The following PLCH2 variants were observed in gnomAD, a reference collection of about 807,000 sequenced individuals.
PLCH2 encodes phospholipase C eta 2, also known as 1-phosphatidylinositol 4,5-bisphosphate phosphodiesterase eta-2.
Under a neutral mutation model 134.7 loss-of-function variants are expected in PLCH2, and 98 were observed. That is an observed-to-expected ratio of 0.73 (90% CI 0.62 to 0.86). PLCH2 has a LOEUF of 0.86. Among genes scored for constraint, PLCH2 ranks in the 40% least tolerant of loss-of-function variants. PLCH2 has a pLI of 0.00. For synonymous variants in PLCH2, 974 were observed against 827.5 expected (o/e 1.18, Z -3.04); for missense variants, 1,994 against 1,986.6 (o/e 1.00, Z -0.07).
At chr1:2,496,743 T>A in intron 14 of PLCH2, 39 bp downstream of exon 14, 1 of 1,608,982 alleles carries the variant, frequency 6.2e-7, no homozygotes, top group Non-Finnish European at 8.5e-7. Context: ...GGCGGAGGCC[T>A]CCCTGTCCCC....
chr1:2,496,245 C>T (rs963092815), intron 13 of PLCH2, among the ~76,000 whole-genome samples: 5 of 152,228 alleles, frequency 3.3e-5, no homozygotes, highest in Non-Finnish European at 7.4e-5. Flanking sequence ...CGGAGGCCCC[C>T]TTGGACCCTG....
At chr1:2,423,725 C>T (rs1007942978), upstream of PLCH2, among the ~76,000 whole-genome samples, 2 of 151,614 alleles carry the variant, frequency 1.3e-5, no homozygotes, top group Admixed American at 6.6e-5. Flanking sequence ...TTATGCAGGA[C>T]CTGAAAGAGC....
At chr1:2,491,469 TACCTCTGTACAC>T in intron 11 of PLCH2, 134 bp downstream of exon 11, 1 of 899,046 alleles carries the variant, frequency 1.1e-6, no homozygotes, top group South Asian at 1.6e-5. Flanking sequence ...CACACAAGCA[TACCTCTGTACAC>T]ACCTCCGCAC....
chr1:2,423,531 T>C (rs537839187), upstream of PLCH2, among the ~76,000 whole-genome samples: 8 of 152,156 alleles, frequency 5.3e-5, no homozygotes, highest in Non-Finnish European at 8.8e-5. Flanking sequence ...GACCCTCAAA[T>C]CCACCTCCCC....
chr1:2,505,307 C>A lies in PLCH2; in HGVS notation c.*94C>A. The A allele has an allele frequency of 1.1e-6, 1 of 932,146 alleles. No individual in the cohort carries two copies. Among genetic ancestry groups the A allele is most frequent in the Non-Finnish European group, 1.6e-6 (1 of 636,078 alleles). The allele number at this position is 932,146 out of a possible 1,614,324, so 57.7% of individuals were successfully genotyped here. ...AAACAGGGCAGCCAGGCCCCCAAAACTGTGTCCCCCTGGCTGCCCTGTGTC... is the reference window on the plus strand; with the variant it reads ...AAACAGGGCAGCCAGGCCCCCAAAAATGTGTCCCCCTGGCTGCCCTGTGTC... On this transcript the variant is annotated 3_prime_UTR_variant, in exon 22 of 22. Transcript: ENST00000378486.
rs993894119 is a variant in PLCH2 at position 2,498,356 on chromosome 1, G to A, written c.2225-167G>A. ...ACAAAGGTGATCCATACTGGGCCAG[G>A]TGCACCCCGAGGTGCCCCCCTGGAC... On this transcript the variant is annotated intron_variant, in intron 16 of 21. Coordinates refer to ENST00000378486, the MANE Select transcript of PLCH2 (RefSeq NM_014638.4). This position sits in a 1 kb window ranked among gnomAD's most constrained non-coding sequence, Gnocchi z 5.4. 8.9e-5 allele frequency: 60 copies of A among 672,180 alleles called. No individual in the cohort carries two copies. The highest frequency in any genetic ancestry group is 1.4e-4 in the Non-Finnish European group (55 of 400,764). The allele number at this position is 672,180 out of a possible 1,614,324, so 41.6% of individuals were successfully genotyped here. A position where few individuals can be genotyped will look rare whatever the true frequency, so the allele number is the denominator to read the frequency against.
intron 2 of PLCH2, among the ~76,000 whole-genome samples, chr1:2,446,863 G>A (rs767828780): frequency 5.9e-5 from 9 of 152,186 alleles, no homozygotes; most frequent in Non-Finnish European, 8.8e-5. Context: ...GTCTGGGCTG[G>A]GGCTCCTTCC....
chr1:2,489,201 C>T lies in PLCH2; in HGVS notation c.1236-6C>T, dbSNP rs933178668. The T allele has an allele frequency of 2.5e-6, 4 of 1,612,622 alleles. No homozygotes were observed. In the South Asian group the frequency reaches 3.3e-5, roughly 13 times the overall value. ...TCATCCTGCTCTTTCTGCCTTGGGG[C>T]CACAGGTACCCAGTGATCCTGTCCA... On this transcript the variant is annotated splice_region_variant and splice_polypyrimidine_tract_variant and intron_variant, in intron 8 of 21. Coordinates refer to ENST00000378486, the MANE Select transcript of PLCH2 (RefSeq NM_014638.4).
In PLCH2 at chr1:2,457,481, A is replaced by G. The variant is rs562855957; in HGVS notation, c.116-20995A>G. Among the ~76,000 whole-genome samples the G allele has an allele frequency of 6.7e-4, 102 of 152,022 alleles. 1 individual carries two copies. The highest frequency in any genetic ancestry group is 1.8e-3 in the Admixed American group (27 of 15,296). On this transcript the variant is annotated intron_variant, in intron 2 of 3. Transcript: ENST00000609981. ...GGGTTCCCCAGCCGCCTGCTCCCCA[A>G]TGTCTCCTGGCCTTCCTCCCGGGAC...
At position 2,497,026 on chromosome 1, in the gene PLCH2, G is replaced by A. The variant is rs1173312714; in HGVS notation, c.2116+16G>A. ...TGCCAAATGGGTGGGTGCGGGCATG[G>A]TGCGCTGGGTGTGGTGGGGAGGGCT... On this transcript the variant is annotated intron_variant, in intron 15 of 21. Transcript: ENST00000378486. 1 of 1,608,130 alleles carries A rather than the reference G, an allele frequency of 6.2e-7. No homozygotes were observed. Among genetic ancestry groups the A allele is most frequent in the Non-Finnish European group, 8.5e-7 (1 of 1,177,350 alleles).
chr1:2,472,468 C>T (rs549839001), upstream of PLCH2, among the ~76,000 whole-genome samples: 3 of 152,316 alleles, frequency 2.0e-5, no homozygotes, highest in South Asian at 6.2e-4. Context: ...GAGCCAGGGC[C>T]AGGAAGGGCT....
chr1:2,490,801 A>C (rs1642531528), intron 10 of PLCH2, among the ~76,000 whole-genome samples: 1 of 151,798 alleles, frequency 6.6e-6, no homozygotes, highest in Non-Finnish European at 1.5e-5. Context: ...CATCAGGGGC[A>C]CCCGGGGGGC....
At chr1:2,472,419 G>A (rs545325125), upstream of PLCH2, among the ~76,000 whole-genome samples, 3 of 152,224 alleles carry the variant, frequency 2.0e-5, no homozygotes, top group African/African-American at 2.4e-5. Context: ...CAGCACGGGA[G>A]GGGGATGCTG....
chr1:2,500,012 C>T (rs1643128422), intron 20 of PLCH2: 1 of 534,232 alleles, frequency 1.9e-6, no homozygotes, highest in South Asian at 2.3e-5. Context: ...CTGTCTCAGA[C>T]TCTTGGGGGC....
At chr1:2,487,742 C>T in intron 8 of PLCH2, 24 bp downstream of exon 8, 1 of 1,608,418 alleles carries the variant, frequency 6.2e-7, no homozygotes, top group South Asian at 1.1e-5. Context: ...CCTAGCGGGG[C>T]TGGCCCCAGA....
In PLCH2 at chr1:2,439,305, GGGGT is replaced by G. The variant is rs1261934658; in HGVS notation, c.115+8677_115+8680del. Among the ~76,000 whole-genome samples, 1 of 152,186 alleles carries G rather than the reference GGGGT, an allele frequency of 6.6e-6. No individual in the cohort carries two copies. Among genetic ancestry groups the G allele is most frequent in the Admixed American group, 6.5e-5 (1 of 15,278 alleles). On this transcript the variant is annotated intron_variant, in intron 2 of 3. Coordinates refer to the PLCH2 transcript ENST00000609981. The surrounding 1 kb of genome is among the most constrained non-coding windows in gnomAD (Gnocchi z 4.7). The stretch of plus-strand genomic sequence containing the variant: ...CCAGCCCATGCAGCAAGGTGCCTGG[GGGGT>G]CTCAGAGCAGGAGGCTCAGCCCTGC...
rs562027234 is a variant in PLCH2, at chr1:2,458,099, G to T, written c.116-20377G>T. Among the ~76,000 whole-genome samples the T allele has an allele frequency of 7.9e-5, 12 of 152,246 alleles. No individual in the cohort carries two copies. The East Asian group carries it at 2.3e-3, about 30-fold the overall frequency. On this transcript the variant is annotated intron_variant, in intron 2 of 3. Transcript: ENST00000609981. ...TGTGTGAGTGGGGGTGGGCCATGCCGTCACTGTGGGCACCCAGGCCTGTCC... is the reference window on the plus strand; with the variant it reads ...TGTGTGAGTGGGGGTGGGCCATGCCTTCACTGTGGGCACCCAGGCCTGTCC...
upstream of PLCH2, among the ~76,000 whole-genome samples, chr1:2,423,173 G>T (rs962564035): frequency 2.7e-4 from 24 of 89,668 alleles, no homozygotes; most frequent in East Asian, 6.0e-4. Flanking sequence ...TAGTTTTTTT[G>T]TTTGTTTGTT....
chr1:2,468,000 G>A (rs1052195349), intron 1 of PLCH2, among the ~76,000 whole-genome samples: 2 of 152,230 alleles, frequency 1.3e-5, no homozygotes, highest in Admixed American at 6.5e-5. Context: ...TGGGCGGTGG[G>A]GGAGGCGCCC....
Sources: gnomAD v4.1 joint callset for allele counts (sites outside exome capture counted in the v4.1 genomes callset) on GRCh38, gnomAD v4.1.1 for gene constraint, Gnocchi (gnomAD v3.1) non-coding constraint, MANE v1.5 for transcripts, NCBI Gene and HGNC (gene_info 2026-07-23, HGNC 2026-07-21) for gene names.